GLT1D1: variants seen among roughly 807,000 people sequenced by gnomAD.
GLT1D1 encodes glycosyltransferase 1 domain containing 1.
In GLT1D1, 21 loss-of-function variants were observed where a neutral mutation model predicts 28.7. The ratio of observed to expected loss-of-function variants is 0.73; its 90% confidence interval spans 0.52 to 1.05. The LOEUF (loss-of-function observed/expected upper bound fraction) is 1.05, where lower values mean the gene tolerates loss of function less well. Among genes scored for constraint, GLT1D1 ranks in the 50% least tolerant of loss-of-function variants. The pLI, the probability that GLT1D1 is intolerant of heterozygous loss-of-function variation, is 0.00. For synonymous variants in GLT1D1, 147 were observed against 124.8 expected (o/e 1.18, Z -1.19); for missense variants, 343 against 330.6 (o/e 1.04, Z -0.29).
intron 4 of GLT1D1, among the ~76,000 whole-genome samples, chr12:128,902,901 G>A (rs910418966): frequency 4.0e-5 from 6 of 151,000 alleles, no homozygotes; most frequent in East Asian, 1.9e-4. Flanking sequence ...AAAATTAGCC[G>A]GGCATGGTGG....
intron 3 of GLT1D1, among the ~76,000 whole-genome samples, chr12:128,895,847 G>A (rs980086658): frequency 1.3e-5 from 2 of 152,160 alleles, no homozygotes; most frequent in Non-Finnish European, 2.9e-5. Flanking sequence ...CTGAGTCTTG[G>A]AGCAGCCCAT....
intron 2 of GLT1D1, among the ~76,000 whole-genome samples, chr12:128,882,965 C>T (rs1038646459): frequency 1.8e-4 from 27 of 151,054 alleles, no homozygotes; most frequent in Admixed American, 4.6e-4. Context: ...CTCACTCTGT[C>T]GCCAGGCTGT....
In GLT1D1 at chr12:128,983,288, G is replaced by A; in HGVS notation, c.*198G>A. The A allele has an allele frequency of 3.6e-6, 2 of 563,226 alleles. No homozygotes were observed. The highest frequency in any genetic ancestry group is 6.3e-6 in the Non-Finnish European group (2 of 316,422). The allele number at this position is 563,226 out of a possible 1,614,324, so 34.9% of individuals were successfully genotyped here. A position where few individuals can be genotyped will look rare whatever the true frequency, so the allele number is the denominator to read the frequency against. ...TCTGTGCGTTCAGATGCTGTCCCAG[G>A]CGTGTTCACCAGCCAGTCCTGATGG... On this transcript the variant is annotated 3_prime_UTR_variant, in exon 8 of 8. Transcript: ENST00000281703. This position sits in a 1 kb window ranked among gnomAD's most constrained non-coding sequence, Gnocchi z 4.7.
At chr12:128,911,472 G>A (rs746147951) in intron 4 of GLT1D1, among the ~76,000 whole-genome samples, 14 of 152,224 alleles carry the variant, frequency 9.2e-5, no homozygotes, top group African/African-American at 1.7e-4. Context: ...AGGAAGGACA[G>A]GGGTGTGTCT....
Position 128,948,499 on chromosome 12 carries a change from C to G in GLT1D1, c.540+1041C>G, listed in dbSNP as rs180715001. Among the ~76,000 whole-genome samples the G allele has an allele frequency of 1.8e-3, 277 of 152,186 alleles. 2 individuals carry two copies. Among genetic ancestry groups the G allele is most frequent in the African/African-American group, 6.4e-3 (265 of 41,534 alleles). ...CACACACTGCACACGACAGACATGG[C>G]GTAAACAAGCATTGATGGGCACGTG... On this transcript the variant is annotated intron_variant, in intron 6 of 7. Coordinates refer to ENST00000281703, the MANE Select transcript of GLT1D1 (RefSeq NM_144669.3).
rs112528058 is a variant in GLT1D1, at chr12:128,957,751, G to C, written c.639+108G>C. On this transcript the variant is annotated intron_variant, in intron 7 of 7. Transcript: ENST00000281703. The stretch of plus-strand genomic sequence containing the variant: ...AGCGCTTAGTATTCCTGTCCTACCC[G>C]GAGCCCTGCGGAGAGCATGCTGTCT... The C allele has an allele frequency of 4.4e-4, 310 of 700,128 alleles. 1 individual carries two copies. Among genetic ancestry groups the C allele is most frequent in the South Asian group, 1.4e-3 (86 of 61,782 alleles). 43.4% of individuals were successfully genotyped at this position (700,128 alleles called of 1,614,324 possible).
intron 2 of GLT1D1, among the ~76,000 whole-genome samples, chr12:128,877,562 G>A (rs1956898578): frequency 6.6e-6 from 1 of 152,032 alleles, no homozygotes; most frequent in Non-Finnish European, 1.5e-5. Context: ...GGTAATACAT[G>A]AAAAATTGCC....
chr12:128,927,170 G>A lies in GLT1D1; in HGVS notation c.376-18156G>A. 1 of 1,518,764 alleles carries A rather than the reference G, an allele frequency of 6.6e-7. No homozygotes were observed. Among genetic ancestry groups the A allele is most frequent in the Non-Finnish European group, 8.8e-7 (1 of 1,131,044 alleles). The allele number at this position is 1,518,764 out of a possible 1,614,324, so 94.1% of individuals were successfully genotyped here. ...GGGTCCTGAAGTAAGTTGATGTGCAGTAAACACTTATCTCATCTCTGTTTT... is the reference window on the plus strand; with the variant it reads ...GGGTCCTGAAGTAAGTTGATGTGCAATAAACACTTATCTCATCTCTGTTTT... On this transcript the variant is annotated intron_variant, in intron 4 of 7. Coordinates refer to ENST00000281703, the MANE Select transcript of GLT1D1 (RefSeq NM_144669.3).
At chr12:128,944,571 A>T (rs975486592) in intron 4 of GLT1D1, 13 of 754,374 alleles carry the variant, frequency 1.7e-5, no homozygotes, top group Non-Finnish European at 2.7e-5. Context: ...GAATCCAGTG[A>T]GCAGTAAGGC....
At chr12:128,924,375 C>T (rs951053556) in intron 4 of GLT1D1, among the ~76,000 whole-genome samples, 3 of 148,834 alleles carry the variant, frequency 2.0e-5, no homozygotes, top group African/African-American at 7.4e-5. Flanking sequence ...TGCACTGAGC[C>T]GAGATCGTGC....
intron 6 of GLT1D1, 62 bp downstream of exon 10, chr12:128,947,520 AT>A: frequency 1.3e-6 from 2 of 1,579,528 alleles, no homozygotes; most frequent in South Asian, 1.1e-5. Context: ...TCCTTCTCCT[AT>A]TTACGGAGGT....
intron 4 of GLT1D1, among the ~76,000 whole-genome samples, chr12:128,919,579 T>A (rs938618684): frequency 2.0e-5 from 3 of 152,218 alleles, no homozygotes; most frequent in African/African-American, 7.2e-5. Flanking sequence ...CTTACCATTA[T>A]CTCACATACA....
chr12:128,901,224 A>AG (rs369056304), intron 4 of GLT1D1, among the ~76,000 whole-genome samples: 20 of 152,316 alleles, frequency 1.3e-4, no homozygotes, highest in African/African-American at 4.3e-4. Context: ...TCACTTAAAA[A>AG]TGTCCCTGAT....
chr12:128,969,975 T>C (rs1044319806), intron 7 of GLT1D1, among the ~76,000 whole-genome samples: 1 of 152,118 alleles, frequency 6.6e-6, no homozygotes, highest in Non-Finnish European at 1.5e-5. Context: ...TGCCTCTGCC[T>C]GTGTGCGCTT....
intron 4 of GLT1D1, among the ~76,000 whole-genome samples, chr12:128,918,420 C>T (rs1055756373): frequency 2.6e-5 from 4 of 152,114 alleles, no homozygotes; most frequent in African/African-American, 7.2e-5. Flanking sequence ...CCATGGCACA[C>T]GTTTACCTGT....
intron 4 of GLT1D1, among the ~76,000 whole-genome samples, chr12:128,914,540 C>A (rs1871891325): frequency 6.6e-6 from 1 of 152,166 alleles, no homozygotes; most frequent in Admixed American, 6.5e-5. Flanking sequence ...CACAAGTGGG[C>A]CGTGTGTGGT....
chr12:128,957,985 G>A (rs918353151), intron 7 of GLT1D1, among the ~76,000 whole-genome samples: 29 of 152,388 alleles, frequency 1.9e-4, no homozygotes, highest in Middle Eastern at 3.4e-3. Flanking sequence ...GCTTTCAAAG[G>A]ACGGGCGCCT....
chr12:128,895,816 T>C (rs1869566968), intron 3 of GLT1D1, among the ~76,000 whole-genome samples: 1 of 151,968 alleles, frequency 6.6e-6, no homozygotes, highest in African/African-American at 2.4e-5. Flanking sequence ...TAAGTGCAGA[T>C]AGAGAAGAGA....
intron 4 of GLT1D1, among the ~76,000 whole-genome samples, chr12:128,937,083 T>G (rs1467299340): frequency 6.6e-6 from 1 of 152,204 alleles, no homozygotes; most frequent in East Asian, 1.9e-4. Flanking sequence ...TTATTTTTCC[T>G]TAGTTATTCA....
Sources: allele counts gnomAD v4.1 joint callset (sites outside exome capture counted in the v4.1 genomes callset), GRCh38; gene constraint gnomAD v4.1.1; non-coding constraint Gnocchi (gnomAD v3.1); transcripts MANE v1.5; gene names NCBI Gene and HGNC (gene_info 2026-07-23, HGNC 2026-07-21).